TNNI3K: variants seen among roughly 807,000 people sequenced by gnomAD.
TNNI3K encodes TNNI3 interacting kinase.
In TNNI3K, 140 loss-of-function variants were observed where a neutral mutation model predicts 114.5. The observed-to-expected ratio is 1.22, with a 90% CI of 1.07 to 1.41. The LOEUF is 1.41. Ranked by LOEUF, TNNI3K falls within the 40% of genes most tolerant of loss-of-function variation. TNNI3K has a pLI of 0.00. For missense variants in TNNI3K, 1,125 were observed against 1,007.6 expected (o/e 1.12, Z -1.58); for synonymous variants, 347 against 347.5 (o/e 1.00, Z 0.02).
Position 74,378,594 on chromosome 1 carries a change from TTATATATATATATATA to T in TNNI3K, c.1772+8234_1772+8249del, listed in dbSNP as rs58113455. 3.9e-3 allele frequency: 300 copies of T among 77,908 alleles called. 6 individuals are homozygous for T. Among genetic ancestry groups the T allele is most frequent in the African/African-American group, 0.01 (230 of 22,928 alleles). 4.8% of individuals were successfully genotyped at this position (77,908 alleles called of 1,614,324 possible). On this transcript the variant is annotated intron_variant, in intron 17 of 24. Transcript: ENST00000326637. Reference sequence around the variant, plus strand: ...TTTTGTTGTTGTTGTCAGTTTAATTTTATATATATATATATATATATATATATATATATATATATAT... The same window carrying T: ...TTTTGTTGTTGTTGTCAGTTTAATTTTATATATATATATATATATATATAT...
At chr1:74,312,595 T>C (rs1287108222) in intron 5 of TNNI3K, among the ~76,000 whole-genome samples, 1 of 152,244 alleles carries the variant, frequency 6.6e-6, no homozygotes, top group Non-Finnish European at 1.5e-5. Context: ...GGAATTTAAA[T>C]TATTTAATGA....
At chr1:74,436,237 A>ACTACACTGAACACTGACAGCTATC in intron 18 of TNNI3K, 105 bp downstream of exon 18, 1 of 1,387,388 alleles carries the variant, frequency 7.2e-7, no homozygotes, top group Non-Finnish European at 1.0e-6. Flanking sequence ...TGACAGCTAT[A>ACTACACTGAACACTGACAGCTATC]CTACACTGAA....
chr1:74,339,192 C>A (rs1403887445), intron 7 of TNNI3K, among the ~76,000 whole-genome samples: 5 of 152,112 alleles, frequency 3.3e-5, no homozygotes, highest in Non-Finnish European at 7.4e-5. Flanking sequence ...CCTTACATAC[C>A]AGCATCATAT....
intron 4 of TNNI3K, among the ~76,000 whole-genome samples, chr1:74,263,938 C>G (rs180855074): frequency 2.0e-5 from 3 of 152,030 alleles, no homozygotes; most frequent in African/African-American, 7.2e-5. Context: ...CGCCCCACTG[C>G]AATAGGTAGA....
intron 23 of TNNI3K, among the ~76,000 whole-genome samples, chr1:74,525,551 AT>A (rs1371999667): frequency 6.6e-6 from 1 of 152,236 alleles, no homozygotes; most frequent in Non-Finnish European, 1.5e-5. Context: ...AACCAAATTT[AT>A]TTTTAAAATA....
chr1:74,502,563 A>G lies in TNNI3K; in HGVS notation c.2351+10297A>G, dbSNP rs1053235394. ...ACATGTTTGCCAACACCAGAACGTT[A>G]TGTCAAGTTTGGGCTTTGAAGAGAA... is the stretch of plus-strand genomic sequence containing the variant. On this transcript the variant is annotated intron_variant, in intron 23 of 24. Coordinates refer to ENST00000326637, the MANE Select transcript of TNNI3K (RefSeq NM_015978.3). Among the ~76,000 whole-genome samples, 10 of 152,318 alleles carry G rather than the reference A, an allele frequency of 6.6e-5. No homozygotes were observed. In the South Asian group the frequency reaches 2.1e-3, roughly 32 times the overall value.
intron 4 of TNNI3K, among the ~76,000 whole-genome samples, chr1:74,253,641 G>A (rs763864391): frequency 2.3e-4 from 35 of 151,988 alleles, no homozygotes; most frequent in Non-Finnish European, 4.3e-4. Context: ...TCGGAGTGCG[G>A]GCCCGCCAAG....
At chr1:74,298,370 A>G (rs1303173971) in intron 5 of TNNI3K, among the ~76,000 whole-genome samples, 10 of 152,186 alleles carry the variant, frequency 6.6e-5, no homozygotes, top group Non-Finnish European at 1.3e-4. Context: ...GCTCTTGGTT[A>G]CTTATATGAA....
At chr1:74,250,828 A>C in intron 4 of TNNI3K, 59 bp downstream of exon 4, 2 of 902,470 alleles carry the variant, frequency 2.2e-6, no homozygotes, top group South Asian at 1.9e-5. Context: ...GTGTATCTTT[A>C]GGCTTTTTTT....
At chr1:74,421,950 T>TTTATTA (rs137874168) in intron 17 of TNNI3K, among the ~76,000 whole-genome samples, 268 of 145,400 alleles carry the variant, frequency 1.8e-3, no homozygotes, top group African/African-American at 4.3e-3. Context: ...CTGGATTGCT[T>TTTATTA]TTATTATTAT....
chr1:74,380,430 A>T (rs1663141617), intron 17 of TNNI3K, among the ~76,000 whole-genome samples: 2 of 152,256 alleles, frequency 1.3e-5, no homozygotes, highest in South Asian at 2.1e-4. Context: ...CACGGTGCGA[A>T]TGCTCAAAGC....
chr1:74,524,219 T>A (rs1006078593), intron 23 of TNNI3K, among the ~76,000 whole-genome samples: 1 of 152,208 alleles, frequency 6.6e-6, no homozygotes, highest in Admixed American at 6.5e-5. Flanking sequence ...ATCAGAAGTA[T>A]TTAGAGGCAT....
chr1:74,331,538 G>A lies in TNNI3K; in HGVS notation c.533G>A (p.Gly178Glu). The A allele has an allele frequency of 6.2e-7, 1 of 1,611,484 alleles. No individual in the cohort carries two copies. The highest frequency in any genetic ancestry group is 8.5e-7 in the Non-Finnish European group (1 of 1,178,418). ...FTPLHIAAYY[G>E]HEQVTRLLLK... ...CCATTGCATATTGCAGCGTACTATG[G>A]ACATGAACAGGTAAGTCTGACAGTA... Residue 178 changes from glycine to glutamate, a missense_variant, in exon 6 of 25, where the codon GGA becomes GAA. Gly to Glu is a moderately conservative substitution (Grantham distance 98). Transcript: ENST00000326637.
At chr1:74,365,250 A>T in intron 11 of TNNI3K, among the ~76,000 whole-genome samples, 1 of 152,146 alleles carries the variant, frequency 6.6e-6, no homozygotes, top group African/African-American at 2.4e-5. Context: ...AAAACAGATC[A>T]TATCCTTTAA....
chr1:74,305,194 A>T (rs566621), intron 5 of TNNI3K, among the ~76,000 whole-genome samples: 21,559 of 152,076 alleles, frequency 0.14, 1,588 homozygotes, highest in South Asian at 0.23. Flanking sequence ...TTTTGGTCAA[A>T]TTGACAATTT....
intron 1 of TNNI3K, 28 bp from the exon 2 acceptor site, chr1:74,236,074 A>G: frequency 6.3e-7 from 1 of 1,586,378 alleles, no homozygotes; most frequent in South Asian, 1.1e-5. Context: ...ACAACTATGA[A>G]TCAATCTCAT....
chr1:74,369,659 C>T, intron 16 of TNNI3K, 74 bp downstream of exon 16: 1 of 1,446,892 alleles, frequency 6.9e-7, no homozygotes, highest in Non-Finnish European at 9.1e-7. Flanking sequence ...AGAGGGTTTC[C>T]CATTGGATGA....
chr1:74,508,369 A>G (rs886677845), intron 23 of TNNI3K, among the ~76,000 whole-genome samples: 8 of 152,242 alleles, frequency 5.3e-5, no homozygotes, highest in African/African-American at 1.9e-4. Flanking sequence ...TAAATGTGTT[A>G]TCTCATTTAA....
chr1:74,483,362 T>A (rs1231911110), intron 21 of TNNI3K: 1 of 717,136 alleles, frequency 1.4e-6, no homozygotes, highest in Admixed American at 2.0e-5. Context: ...TGGCAAAGAG[T>A]ACCAGCCATC....
Sources: allele counts gnomAD v4.1 joint callset (sites outside exome capture counted in the v4.1 genomes callset), GRCh38; gene constraint gnomAD v4.1.1; transcripts MANE v1.5; gene names NCBI Gene and HGNC (gene_info 2026-07-23, HGNC 2026-07-21).